Variants in FAM240B observed in about 807,000 individuals in gnomAD.
FAM240B encodes the protein family with sequence similarity 240 member B, also known as protein FAM240B.
At chr9:38,695,124 C>T (rs1437999169) in intron 2 of FAM240B, among the ~76,000 whole-genome samples, 1 of 152,148 alleles carries the variant, frequency 6.6e-6, no homozygotes. Flanking sequence ...GGGCTTAAAA[C>T]CTAGATGACG....
At chr9:38,697,899 T>C (rs1821085552) in intron 2 of FAM240B, among the ~76,000 whole-genome samples, 1 of 152,276 alleles carries the variant, frequency 6.6e-6, no homozygotes, top group Admixed American at 6.5e-5. Context: ...TGACTTGATG[T>C]ATCATTTTGT....
At chr9:38,715,690 A>G (rs1473660312) in intron 1 of FAM240B, among the ~76,000 whole-genome samples, 1 of 152,240 alleles carries the variant, frequency 6.6e-6, no homozygotes. Flanking sequence ...TAATTTACAG[A>G]CATTTCAAAG....
At chr9:38,699,857 A>G (rs1821105553) in intron 2 of FAM240B, among the ~76,000 whole-genome samples, 1 of 152,200 alleles carries the variant, frequency 6.6e-6, no homozygotes, top group African/African-American at 2.4e-5. Context: ...TTGATCTCCC[A>G]TTTCAGATCT....
chr9:38,706,341 C>T (rs892215348), intron 1 of FAM240B, among the ~76,000 whole-genome samples: 5 of 152,058 alleles, frequency 3.3e-5, no homozygotes, highest in African/African-American at 4.8e-5. Flanking sequence ...CTCTTCCCAC[C>T]GCTCCCGGAC....
chr9:38,695,115 G>A (rs1481292593), intron 2 of FAM240B, among the ~76,000 whole-genome samples: 2 of 152,114 alleles, frequency 1.3e-5, no homozygotes, highest in Non-Finnish European at 2.9e-5. Flanking sequence ...ATGCATGCGG[G>A]GCTTAAAACC....
rs958562208 is a variant in FAM240B at position 38,694,486 on chromosome 9, G to C, written c.*290C>G. On this transcript the variant is annotated 3_prime_UTR_variant, in exon 3 of 3. Transcript: ENST00000637493. ...GACAAGGAAATGTGGAAATATACTAGGCTACATGGGTCTGTGAGACCTGGA... is the reference window on the plus strand; with the variant it reads ...GACAAGGAAATGTGGAAATATACTACGCTACATGGGTCTGTGAGACCTGGA... 1 of 287,814 alleles carries C rather than the reference G, an allele frequency of 3.5e-6. No individual in the cohort carries two copies. Among genetic ancestry groups the C allele is most frequent in the Non-Finnish European group, 6.4e-6 (1 of 156,228 alleles). The allele number at this position is 287,814 out of a possible 1,614,324, so 17.8% of individuals were successfully genotyped here. A position where few individuals can be genotyped will look rare whatever the true frequency, so the allele number is the denominator to read the frequency against.
intron 1 of FAM240B, among the ~76,000 whole-genome samples, chr9:38,709,114 T>C (rs779755652): frequency 6.6e-6 from 1 of 152,118 alleles, no homozygotes; most frequent in Non-Finnish European, 1.5e-5. Context: ...CTTACTAAAA[T>C]TGACAGTTGC....
chr9:38,703,795 A>G (rs975238751), intron 2 of FAM240B, 62 bp downstream of exon 2: 26 of 398,788 alleles, frequency 6.5e-5, no homozygotes, highest in Non-Finnish European at 1.1e-4. Flanking sequence ...CTGAGTCTTC[A>G]TATCTGGCAT....
At chr9:38,702,441 G>T (rs1821139700) in intron 2 of FAM240B, among the ~76,000 whole-genome samples, 1 of 152,242 alleles carries the variant, frequency 6.6e-6, no homozygotes, top group Non-Finnish European at 1.5e-5. Flanking sequence ...GTGCTCTGCT[G>T]TGGAGAACAC....
At chr9:38,698,934 C>T (rs988559275) in intron 2 of FAM240B, among the ~76,000 whole-genome samples, 16 of 152,130 alleles carry the variant, frequency 1.1e-4, no homozygotes, top group Middle Eastern at 3.4e-3. Context: ...CTCAGTAAAC[C>T]GGTGAATAAA....
chr9:38,710,582 G>A (rs1821242945), intron 1 of FAM240B, among the ~76,000 whole-genome samples: 1 of 152,134 alleles, frequency 6.6e-6, no homozygotes, highest in Admixed American at 6.6e-5. Flanking sequence ...CCTTTTTAAA[G>A]TATAGGCAGT....
rs143437323 is a variant in FAM240B at position 38,709,851 on chromosome 9, A to C, written c.-3-5849T>G. 3.3e-3 allele frequency among the ~76,000 whole-genome samples: 509 copies of C among 152,320 alleles called. 2 individuals are homozygous for C. Among genetic ancestry groups the C allele is most frequent in the African/African-American group, 0.011 (445 of 41,564 alleles). ...TGTTGTGCAATTGATTTTTGTTTAT[A>C]AACTCAATTTCAGAGGTGCACACTC... is the stretch of plus-strand genomic sequence containing the variant. On this transcript the variant is annotated intron_variant, in intron 1 of 2. Transcript: ENST00000637493.
At chr9:38,702,813 G>A (rs866166819) in intron 2 of FAM240B, among the ~76,000 whole-genome samples, 3 of 152,148 alleles carry the variant, frequency 2.0e-5, no homozygotes, top group Non-Finnish European at 2.9e-5. Flanking sequence ...ATACACATCC[G>A]TCAACCTAAC....
chr9:38,708,446 T>C (rs935081239), intron 1 of FAM240B, among the ~76,000 whole-genome samples: 76 of 152,174 alleles, frequency 5.0e-4, no homozygotes, highest in African/African-American at 1.6e-3. Flanking sequence ...AGGGGTCATG[T>C]AGACACAGCT....
intron 1 of FAM240B, among the ~76,000 whole-genome samples, chr9:38,712,923 T>C (rs1035266282): frequency 1.3e-5 from 2 of 152,172 alleles, no homozygotes; most frequent in Admixed American, 6.5e-5. Context: ...CCCTCCTTCA[T>C]TTAGGGAAAA....
rs138008433 is a variant in FAM240B at position 38,717,347 on chromosome 9, A to G, written c.-4+2675T>C. Reference sequence around the variant, plus strand: ...TGTAATCCCGGCATTTTGGGAGGCCAAGGCGGGCGGATCACGAGGTCAGGA... The same window carrying G: ...TGTAATCCCGGCATTTTGGGAGGCCGAGGCGGGCGGATCACGAGGTCAGGA... On this transcript the variant is annotated intron_variant, in intron 1 of 2. Transcript: ENST00000637493. Among the ~76,000 whole-genome samples the G allele has an allele frequency of 6.5e-3, 987 of 152,206 alleles. 12 individuals are homozygous for G. The highest frequency in any genetic ancestry group is 0.022 in the African/African-American group (928 of 41,566).
rs146656313 is a variant in FAM240B, at chr9:38,719,487, G to C, written c.-4+535C>G. 2.4e-3 allele frequency among the ~76,000 whole-genome samples: 363 copies of C among 152,218 alleles called. 3 individuals are homozygous for C. The highest frequency in any genetic ancestry group is 7.9e-3 in the African/African-American group (329 of 41,536). ...GACTTTGTGTGAGGCTCATGCACTTGAGTCTATCTGATGAGGGGCTAGGGA... is the reference window on the plus strand; with the variant it reads ...GACTTTGTGTGAGGCTCATGCACTTCAGTCTATCTGATGAGGGGCTAGGGA... On this transcript the variant is annotated intron_variant, in intron 1 of 2. Transcript: ENST00000637493.
chr9:38,698,161 A>C (rs62539016), intron 2 of FAM240B, among the ~76,000 whole-genome samples: 7,939 of 152,354 alleles, frequency 0.052, 315 homozygotes, highest in Non-Finnish European at 0.087. Flanking sequence ...AATGATGGAC[A>C]AAATGTTAAC....
chr9:38,694,679 C>A lies in FAM240B; in HGVS notation c.*97G>T. 2.5e-6 allele frequency: 1 copy of A among 397,408 alleles called. No individual in the cohort carries two copies. Among genetic ancestry groups the A allele is most frequent in the South Asian group, 1.3e-4 (1 of 7,582 alleles). The allele number at this position is 397,408 out of a possible 1,614,324, so 24.6% of individuals were successfully genotyped here. A position where few individuals can be genotyped will look rare whatever the true frequency, so the allele number is the denominator to read the frequency against. ...AGCAAATGGAAGCACAAATAGAGAG[C>A]GTCCTGTTTAGTAAATCAGCACAAC... On this transcript the variant is annotated 3_prime_UTR_variant, in exon 3 of 3. Coordinates refer to ENST00000637493, the MANE Select transcript of FAM240B (RefSeq NM_001394922.1).
Sources: allele counts gnomAD v4.1 joint callset (sites outside exome capture counted in the v4.1 genomes callset), GRCh38; gene constraint gnomAD v4.1.1; transcripts MANE v1.5; gene names NCBI Gene and HGNC (gene_info 2026-07-23, HGNC 2026-07-21).